The following LRRC38 variants were observed in gnomAD, a reference collection of about 807,000 sequenced individuals.
LRRC38 encodes leucine rich repeat containing 38.
In LRRC38, 5 loss-of-function variants were observed where a neutral mutation model predicts 16.4. The ratio of observed to expected loss-of-function variants is 0.31; its 90% CI spans 0.16 to 0.64. LRRC38 has a LOEUF of 0.64. Ranked by LOEUF, LRRC38 falls within the 30% of genes least tolerant of loss-of-function variation. The pLI is 0.80. For missense variants in LRRC38, 341 were observed against 401.8 expected (o/e 0.85, Z 1.29); for synonymous variants, 191 against 190.2 (o/e 1.00, Z -0.04).
At chr1:13,498,951 GT>G (rs923133127) in intron 1 of LRRC38, among the ~76,000 whole-genome samples, 1 of 152,164 alleles carries the variant, frequency 6.6e-6, no homozygotes, top group Non-Finnish European at 1.5e-5. Flanking sequence ...GCTTTCCTTA[GT>G]TTGTAGGTAC....
At chr1:13,504,835 GAAGA>G (rs1393004685) in intron 1 of LRRC38, among the ~76,000 whole-genome samples, 14 of 146,062 alleles carry the variant, frequency 9.6e-5, no homozygotes, top group Non-Finnish European at 1.0e-4. Context: ...AAAAGAGAAA[GAAGA>G]AAGAAAGAAA....
chr1:13,496,114 T>G (rs1639076530), intron 1 of LRRC38, among the ~76,000 whole-genome samples: 1 of 152,042 alleles, frequency 6.6e-6, no homozygotes, highest in African/African-American at 2.4e-5. Flanking sequence ...ATGTCTGAGA[T>G]TCTATACAAA....
chr1:13,509,696 C>A (rs1639253235), intron 1 of LRRC38, among the ~76,000 whole-genome samples: 1 of 152,110 alleles, frequency 6.6e-6, no homozygotes, highest in Admixed American at 6.6e-5. Flanking sequence ...CTTTTAAAAC[C>A]AAGTCAATGT....
At chr1:13,495,253 A>T (rs1376005506) in intron 1 of LRRC38, among the ~76,000 whole-genome samples, 1 of 152,174 alleles carries the variant, frequency 6.6e-6, no homozygotes, top group Non-Finnish European at 1.5e-5. Flanking sequence ...CCACAGGAAG[A>T]GCTGTAGAAG....
intron 1 of LRRC38, among the ~76,000 whole-genome samples, chr1:13,480,547 C>T (rs1638839566): frequency 6.6e-6 from 1 of 152,188 alleles, no homozygotes; most frequent in African/African-American, 2.4e-5. Context: ...TCACCCAAAT[C>T]TCACCTTGAA....
chr1:13,495,641 C>T (rs1041419740), intron 1 of LRRC38, among the ~76,000 whole-genome samples: 3 of 152,080 alleles, frequency 2.0e-5, no homozygotes, highest in African/African-American at 7.2e-5. Context: ...GCACCCTGGG[C>T]AGAAATCCCA....
In LRRC38 at chr1:13,505,197, G is replaced by C. The variant is rs190244659; in HGVS notation, c.631+7766C>G. Among the ~76,000 whole-genome samples the C allele has an allele frequency of 8.1e-4, 123 of 152,306 alleles. 2 individuals carry two copies. In the East Asian group the frequency reaches 0.02, roughly 24 times the overall value. On this transcript the variant is annotated intron_variant, in intron 1 of 1. Transcript: ENST00000376085. ...CTCCCGCTGTGCTTAGCAGAGGAGG[G>C]AAGAACATTCCAGCAGCCTCTCCAG...
At chr1:13,496,562 A>C (rs1218965707) in intron 1 of LRRC38, among the ~76,000 whole-genome samples, 1 of 152,104 alleles carries the variant, frequency 6.6e-6, no homozygotes, top group Non-Finnish European at 1.5e-5. Context: ...TTCTCTCAGC[A>C]AGGGGACAGT....
At chr1:13,511,132 A>G (rs1168459940) in intron 1 of LRRC38, among the ~76,000 whole-genome samples, 1 of 152,072 alleles carries the variant, frequency 6.6e-6, no homozygotes, top group Non-Finnish European at 1.5e-5. Context: ...CGTCTTTCCT[A>G]TCTGAGTCCA....
At chr1:13,495,938 A>G (rs1366759394) in intron 1 of LRRC38, among the ~76,000 whole-genome samples, 6 of 152,114 alleles carry the variant, frequency 3.9e-5, no homozygotes, top group Non-Finnish European at 8.8e-5. Flanking sequence ...TTGAGAGTTG[A>G]ACATCAATTT....
At chr1:13,488,621 G>A (rs527722035) in intron 1 of LRRC38, among the ~76,000 whole-genome samples, 12 of 152,124 alleles carry the variant, frequency 7.9e-5, no homozygotes, top group Non-Finnish European at 1.5e-4. Flanking sequence ...GTTGAAGGTT[G>A]TGGGTGAGTC....
At chr1:13,510,116 G>C (rs1265754564) in intron 1 of LRRC38, among the ~76,000 whole-genome samples, 1 of 152,154 alleles carries the variant, frequency 6.6e-6, no homozygotes, top group Non-Finnish European at 1.5e-5. Context: ...TTGCTTCTCT[G>C]GGGGACAAGG....
At chr1:13,506,238 G>A (rs1639211948) in intron 1 of LRRC38, among the ~76,000 whole-genome samples, 1 of 152,090 alleles carries the variant, frequency 6.6e-6, no homozygotes, top group South Asian at 2.1e-4. Context: ...GGCAGGGAAT[G>A]GGGAGGAAGA....
chr1:13,506,361 C>T (rs1177483323), intron 1 of LRRC38, among the ~76,000 whole-genome samples: 1 of 152,190 alleles, frequency 6.6e-6, no homozygotes, highest in African/African-American at 2.4e-5. Flanking sequence ...TGGCCGTGCT[C>T]AGGATATGAG....
chr1:13,488,788 TC>T (rs1208751897), intron 1 of LRRC38, among the ~76,000 whole-genome samples: 1 of 152,192 alleles, frequency 6.6e-6, no homozygotes, highest in East Asian at 1.9e-4. Context: ...GATGTGTCCT[TC>T]TGTGAACTGC....
intron 1 of LRRC38, among the ~76,000 whole-genome samples, chr1:13,506,137 C>A (rs1037504239): frequency 2.0e-5 from 3 of 152,058 alleles, no homozygotes; most frequent in Non-Finnish European, 4.4e-5. Context: ...CACGAGATCG[C>A]ACAGGATGGG....
At position 13,489,520 on chromosome 1, in the gene LRRC38, C is replaced by T. The variant is rs1638982608; in HGVS notation, c.632-13421G>A. Among the ~76,000 whole-genome samples, 3 of 152,038 alleles carry T rather than the reference C, an allele frequency of 2.0e-5. No individual in the cohort carries two copies. The South Asian group carries it at 6.2e-4, about 32-fold the overall frequency. ...GGCCACTTGGAGTCTGGACTGGAAC[C>T]CAGGTCTCCTGACTCCCTGTGTAGT... is the stretch of plus-strand genomic sequence containing the variant. On this transcript the variant is annotated intron_variant, in intron 1 of 1. Coordinates refer to ENST00000376085, the MANE Select transcript of LRRC38 (RefSeq NM_001010847.2).
At chr1:13,484,908 G>A (rs1638912232) in intron 1 of LRRC38, among the ~76,000 whole-genome samples, 1 of 152,238 alleles carries the variant, frequency 6.6e-6, no homozygotes, top group African/African-American at 2.4e-5. Context: ...AAGAATGGAA[G>A]AGCCGGGATC....
rs536965224 is a variant in LRRC38 at position 13,491,674 on chromosome 1, T to A, written c.632-15575A>T. ...TATTTAAATCTCAGCCATTTTCTTT[T>A]CTCTCTTTTTTTTTTGTTTGAGACG... is the stretch of plus-strand genomic sequence containing the variant. On this transcript the variant is annotated intron_variant, in intron 1 of 1. Transcript: ENST00000376085. Among the ~76,000 whole-genome samples the A allele has an allele frequency of 6.6e-5, 10 of 151,776 alleles. No homozygotes were observed. In the South Asian group the frequency reaches 2.1e-3, roughly 32 times the overall value.
Sources: allele counts gnomAD v4.1 joint callset (sites outside exome capture counted in the v4.1 genomes callset), GRCh38; gene constraint gnomAD v4.1.1; transcripts MANE v1.5; gene names NCBI Gene and HGNC (gene_info 2026-07-23, HGNC 2026-07-21).